CSMD3: variants seen among roughly 807,000 people sequenced by gnomAD.
The protein encoded by CSMD3 is CUB and Sushi multiple domains 3.
CSMD3 carries 177 observed loss-of-function variants against 435.2 expected under a neutral mutation model. The observed-to-expected ratio is 0.41, with a 90% CI of 0.36 to 0.46. The LOEUF is 0.46. Among genes scored for constraint, CSMD3 ranks in the 20% least tolerant of loss-of-function variants. The pLI is 0.34. For missense variants in CSMD3, 4,265 were observed against 4,504.6 expected, an observed-to-expected ratio of 0.95 and a Z score of 1.52; for synonymous variants, 1,656 against 1,520.5, an observed-to-expected ratio of 1.09 and a Z score of -2.07.
At chr8:112,917,484 G>A (rs2082607509) in intron 10 of CSMD3, among the ~76,000 whole-genome samples, 1 of 151,622 alleles carries the variant, frequency 6.6e-6, no homozygotes, top group East Asian at 1.9e-4. Flanking sequence ...TGAGACATTG[G>A]GATAAACTTT....
At chr8:112,511,473 T>G (rs1823125431) in intron 28 of CSMD3, among the ~76,000 whole-genome samples, 1 of 143,202 alleles carries the variant, frequency 7.0e-6, no homozygotes, top group African/African-American at 2.6e-5. Context: ...GACTGCAAGC[T>G]CCGTCTCCCG....
At chr8:112,496,440 G>A (rs1165542955) in intron 30 of CSMD3, among the ~76,000 whole-genome samples, 5 of 152,054 alleles carry the variant, frequency 3.3e-5, no homozygotes, top group African/African-American at 2.4e-5. Flanking sequence ...ATATGATCCA[G>A]CAATCCCACT....
chr8:113,352,035 G>A (rs2094193525), intron 1 of CSMD3, among the ~76,000 whole-genome samples: 1 of 151,802 alleles, frequency 6.6e-6, no homozygotes, highest in East Asian at 1.9e-4. Flanking sequence ...TTCCTTCCTG[G>A]GAAATAACAG....
At chr8:112,334,179 T>C (rs1157704815) in intron 45 of CSMD3, among the ~76,000 whole-genome samples, 2 of 152,222 alleles carry the variant, frequency 1.3e-5, no homozygotes, top group African/African-American at 2.4e-5. Context: ...ACTGGTTATG[T>C]TGGATTGCGT....
At chr8:113,201,155 C>A (rs1407892849) in intron 3 of CSMD3, among the ~76,000 whole-genome samples, 1 of 151,910 alleles carries the variant, frequency 6.6e-6, no homozygotes, top group Admixed American at 6.6e-5. Flanking sequence ...ATGGTCATAG[C>A]TCTGCTAAAA....
intron 5 of CSMD3, among the ~76,000 whole-genome samples, chr8:113,039,876 T>C (rs1363651553): frequency 6.6e-6 from 1 of 152,208 alleles, no homozygotes; most frequent in African/African-American, 2.4e-5. Flanking sequence ...ATTTTTTCAC[T>C]CAACACTCTC....
At chr8:113,277,390 ACTG>A (rs1291708272) in intron 3 of CSMD3, among the ~76,000 whole-genome samples, 2 of 151,998 alleles carry the variant, frequency 1.3e-5, no homozygotes, top group Admixed American at 1.3e-4. Flanking sequence ...AATGTTCAAA[ACTG>A]CTGCTATCTG....
At chr8:112,511,384 C>CTTTTTTTTTTTTTT (rs34548150) in intron 28 of CSMD3, among the ~76,000 whole-genome samples, 1 of 72,404 alleles carries the variant, frequency 1.4e-5, no homozygotes, top group Non-Finnish European at 2.6e-5. Context: ...ATTTTCTTTT[C>CTTTTTTTTTTTTTT]TTTTTTTTTT....
At chr8:112,351,990 C>T (rs971904805) in intron 39 of CSMD3, among the ~76,000 whole-genome samples, 1 of 151,972 alleles carries the variant, frequency 6.6e-6, no homozygotes, top group African/African-American at 2.4e-5. Flanking sequence ...TAAATTTTCA[C>T]TAATTTGGGA....
intron 32 of CSMD3, among the ~76,000 whole-genome samples, chr8:112,433,006 ACTT>A (rs1813881456): frequency 6.6e-6 from 1 of 152,178 alleles, no homozygotes. Context: ...GAATATGTTA[ACTT>A]TTTTTGTAAC....
intron 29 of CSMD3, 80 bp downstream of exon 29, chr8:112,506,611 A>T: frequency 3.8e-6 from 5 of 1,324,426 alleles, no homozygotes; most frequent in Non-Finnish European, 5.4e-6. Context: ...AGAAATAGGA[A>T]TTAGTCTAGT....
chr8:113,276,765 G>C (rs2093574113), intron 3 of CSMD3, among the ~76,000 whole-genome samples: 1 of 151,968 alleles, frequency 6.6e-6, no homozygotes, highest in South Asian at 2.1e-4. Context: ...AAGATACTGT[G>C]AATCAATACC....
At chr8:112,918,387 C>A (rs2082634688) in intron 10 of CSMD3, among the ~76,000 whole-genome samples, 1 of 151,726 alleles carries the variant, frequency 6.6e-6, no homozygotes, top group Non-Finnish European at 1.5e-5. Context: ...GCCCTTGTAA[C>A]TTAACGGACT....
intron 22 of CSMD3, 105 bp from the exon 23 acceptor site, chr8:112,587,340 T>C (rs1422710728): frequency 8.5e-6 from 7 of 826,832 alleles, no homozygotes; most frequent in Admixed American, 5.6e-5. Context: ...ACCTAAAGCC[T>C]AGTAGAAAAA....
At chr8:113,362,321 A>T (rs149000677) in intron 1 of CSMD3, among the ~76,000 whole-genome samples, 9 of 152,302 alleles carry the variant, frequency 5.9e-5, no homozygotes, top group African/African-American at 1.9e-4. Flanking sequence ...GTTGGCATTG[A>T]GTTATATATA....
chr8:113,148,374 C>CTG (rs1219304746), intron 4 of CSMD3, among the ~76,000 whole-genome samples: 2 of 151,740 alleles, frequency 1.3e-5, no homozygotes, highest in African/African-American at 4.8e-5. Flanking sequence ...TTGCCTTCCA[C>CTG]AACCCTGCGG....
intron 9 of CSMD3, among the ~76,000 whole-genome samples, chr8:112,937,266 A>G (rs548010652): frequency 2.9e-4 from 44 of 152,218 alleles, no homozygotes; most frequent in Admixed American, 2.1e-3. Context: ...TTTATATGGT[A>G]ATAATGTACT....
At chr8:112,780,846 G>A (rs913907438) in intron 13 of CSMD3, among the ~76,000 whole-genome samples, 20 of 152,096 alleles carry the variant, frequency 1.3e-4, no homozygotes, top group South Asian at 4.2e-4. Flanking sequence ...TACCATAGGC[G>A]AAAGTGGTCT....
At chr8:112,283,804 T>C (rs1251913603) in intron 58 of CSMD3, among the ~76,000 whole-genome samples, 7 of 151,798 alleles carry the variant, frequency 4.6e-5, no homozygotes, top group African/African-American at 1.7e-4. Context: ...TTAAGATAAA[T>C]ATCTAAAATA....
Sources: allele counts gnomAD v4.1 joint callset (sites outside exome capture counted in the v4.1 genomes callset), GRCh38; gene constraint gnomAD v4.1.1; transcripts MANE v1.5; gene names NCBI Gene and HGNC (gene_info 2026-07-23, HGNC 2026-07-21).